Variants in MUSK observed in about 807,000 individuals in gnomAD.
MUSK encodes the protein muscle, skeletal receptor tyrosine-protein kinase.
Under a neutral mutation model 88.7 loss-of-function variants are expected in MUSK, and 55 were observed. The observed-to-expected ratio is 0.62, with a 90% CI of 0.50 to 0.78. The LOEUF is 0.78. Among genes scored for constraint, MUSK ranks in the 30% least tolerant of loss-of-function variants. MUSK has a pLI of 0.00. For synonymous variants in MUSK, 387 were observed against 391.9 expected (o/e 0.99, Z 0.15); for missense variants, 1,015 against 1,074.3 (o/e 0.94, Z 0.77).
intron 7 of MUSK, among the ~76,000 whole-genome samples, chr9:110,753,459 A>AAG (rs1202827710): frequency 2.9e-4 from 35 of 118,692 alleles, no homozygotes; most frequent in Admixed American, 1.0e-3. Context: ...AAAAAAAAAA[A>AAG]AGAGAGAGAG....
At chr9:110,734,702 G>A (rs957133082) in intron 6 of MUSK, among the ~76,000 whole-genome samples, 2 of 152,048 alleles carry the variant, frequency 1.3e-5, no homozygotes, top group African/African-American at 4.8e-5. Flanking sequence ...TTCCCTGCTA[G>A]AGGCTACTTT....
At chr9:110,762,290 G>T (rs1055110408) in intron 8 of MUSK, 82 bp downstream of exon 8, 13 of 1,114,222 alleles carry the variant, frequency 1.2e-5, no homozygotes, top group African/African-American at 1.6e-5. Context: ...CTGTGAGAGG[G>T]TCTTGTGTTG....
intron 7 of MUSK, among the ~76,000 whole-genome samples, chr9:110,758,622 C>T (rs1019935419): frequency 2.0e-5 from 3 of 152,168 alleles, no homozygotes; most frequent in Non-Finnish European, 4.4e-5. Flanking sequence ...AAGAGGGGAA[C>T]TCAAAGTATC....
chr9:110,690,573 T>TATAAGTATATATATAA (rs2076336462), intron 3 of MUSK, among the ~76,000 whole-genome samples: 2 of 19,648 alleles, frequency 1.0e-4, no homozygotes, highest in African/African-American at 9.2e-4. Context: ...TATATATAAA[T>TATAAGTATATATATAA]ATATATATTT....
At chr9:110,693,713 C>A (rs1045253650) in intron 3 of MUSK, among the ~76,000 whole-genome samples, 2 of 152,162 alleles carry the variant, frequency 1.3e-5, no homozygotes, top group African/African-American at 2.4e-5. Context: ...GACATCAAGT[C>A]ACTGAGAAGA....
At chr9:110,723,936 A>T (rs2076849802) in intron 5 of MUSK, among the ~76,000 whole-genome samples, 1 of 151,946 alleles carries the variant, frequency 6.6e-6, no homozygotes, top group African/African-American at 2.4e-5. Flanking sequence ...AGAGCTCTAA[A>T]TCTGTTCTTC....
At chr9:110,691,171 T>C (rs1453256917) in intron 3 of MUSK, among the ~76,000 whole-genome samples, 1 of 152,140 alleles carries the variant, frequency 6.6e-6, no homozygotes, top group East Asian at 1.9e-4. Flanking sequence ...TAACTCTTTA[T>C]CAGCGTAGCC....
chr9:110,751,512 G>C (rs952893769), intron 7 of MUSK, among the ~76,000 whole-genome samples: 2 of 152,216 alleles, frequency 1.3e-5, no homozygotes, highest in Admixed American at 6.5e-5. Flanking sequence ...TGGCAGCAGA[G>C]AGCAACTTGC....
intron 9 of MUSK, among the ~76,000 whole-genome samples, chr9:110,772,418 T>C (rs1179702976): frequency 6.6e-6 from 1 of 151,842 alleles, no homozygotes; most frequent in East Asian, 1.9e-4. Context: ...TTTTTCTAAT[T>C]CCCATTGTTA....
intron 9 of MUSK, 37 bp from the exon 10 acceptor site, chr9:110,775,751 T>C (rs2077658074): frequency 1.9e-6 from 3 of 1,593,904 alleles, no homozygotes; most frequent in African/African-American, 1.3e-5. Flanking sequence ...TAACATGTAA[T>C]GATTCATCAA....
intron 6 of MUSK, among the ~76,000 whole-genome samples, chr9:110,742,809 G>A (rs751625340): frequency 5.9e-5 from 9 of 152,242 alleles, no homozygotes; most frequent in Admixed American, 1.3e-4. Context: ...AAGTACATCC[G>A]CAGTTCTTAC....
intron 5 of MUSK, among the ~76,000 whole-genome samples, chr9:110,713,504 C>T (rs1189228047): frequency 6.6e-6 from 1 of 152,090 alleles, no homozygotes; most frequent in Admixed American, 6.5e-5. Flanking sequence ...AAGTGATCCA[C>T]CTGCCTCAGT....
intron 5 of MUSK, among the ~76,000 whole-genome samples, chr9:110,703,873 C>T (rs1029554342): frequency 6.6e-6 from 1 of 152,078 alleles, no homozygotes; most frequent in Non-Finnish European, 1.5e-5. Flanking sequence ...TCTTCAAGTA[C>T]GTGAAGCATA....
chr9:110,765,496 GAA>G (rs1277749871), intron 8 of MUSK, among the ~76,000 whole-genome samples: 6 of 152,164 alleles, frequency 3.9e-5, no homozygotes, highest in African/African-American at 1.4e-4. Flanking sequence ...GTTAACAAGA[GAA>G]GAGCATAACA....
intron 11 of MUSK, among the ~76,000 whole-genome samples, chr9:110,781,953 A>G (rs191343340): frequency 1.3e-5 from 2 of 152,342 alleles, no homozygotes; most frequent in African/African-American, 4.8e-5. Context: ...CTCACTCTAG[A>G]AAACCTTCTC....
intron 3 of MUSK, among the ~76,000 whole-genome samples, chr9:110,692,530 AT>A (rs965063614): frequency 2.0e-5 from 3 of 150,726 alleles, no homozygotes; most frequent in Non-Finnish European, 3.0e-5. Flanking sequence ...CATTTTCTCT[AT>A]TTTTTTTCTT....
chr9:110,686,558 G>T (rs937179705), intron 2 of MUSK, among the ~76,000 whole-genome samples: 2 of 152,150 alleles, frequency 1.3e-5, no homozygotes, highest in Middle Eastern at 3.4e-3. Flanking sequence ...AATTAAATAG[G>T]TAATATATGT....
chr9:110,688,901 T>C (rs917287723), intron 3 of MUSK, among the ~76,000 whole-genome samples: 1 of 148,120 alleles, frequency 6.8e-6, no homozygotes, highest in Non-Finnish European at 1.5e-5. Flanking sequence ...AACTGTTTTA[T>C]TGTTTTTTTG....
intron 9 of MUSK, among the ~76,000 whole-genome samples, chr9:110,769,474 G>A (rs865819711): frequency 6.6e-6 from 1 of 151,944 alleles, no homozygotes; most frequent in African/African-American, 2.4e-5. Flanking sequence ...GAGAGAAAAA[G>A]TAAAATTACT....
Sources: allele counts gnomAD v4.1 joint callset (sites outside exome capture counted in the v4.1 genomes callset), GRCh38; gene constraint gnomAD v4.1.1; transcripts MANE v1.5; gene names NCBI Gene and HGNC (gene_info 2026-07-23, HGNC 2026-07-21).